RCOR1: variants seen among roughly 807,000 people sequenced by gnomAD.
The protein encoded by RCOR1 is REST corepressor.
In RCOR1, 12 loss-of-function variants were observed where a neutral mutation model predicts 64.0. The ratio of observed to expected loss-of-function variants is 0.19; its 90% CI spans 0.12 to 0.30. The LOEUF (loss-of-function observed/expected upper bound fraction) is 0.30, where lower values mean the gene tolerates loss of function less well. RCOR1 is among the 10% of genes least tolerant of loss of function. The pLI, the probability that RCOR1 is intolerant of heterozygous loss-of-function variation, is 1.00. For synonymous variants in RCOR1, 279 were observed against 227.2 expected (o/e 1.23, Z -2.05); for missense variants, 502 against 621.2 (o/e 0.81, Z 2.04).
chr14:102,708,343 G>A (rs1595240593), intron 5 of RCOR1, 122 bp from the exon 6 acceptor site: 11 of 622,070 alleles, frequency 1.8e-5, no homozygotes, highest in Admixed American at 6.8e-5. Context: ...CTCGTGATCC[G>A]CCTGCCTTAG....
At chr14:102,712,466 C>A (rs1895980205) in intron 7 of RCOR1, among the ~76,000 whole-genome samples, 1 of 151,980 alleles carries the variant, frequency 6.6e-6, no homozygotes. Context: ...TATTCTGTCA[C>A]ATGAATGTTT....
At chr14:102,675,699 C>T (rs960076447) in intron 2 of RCOR1, among the ~76,000 whole-genome samples, 1 of 152,182 alleles carries the variant, frequency 6.6e-6, no homozygotes, top group Non-Finnish European at 1.5e-5. Flanking sequence ...TGCGGGGCAC[C>T]ACTGGAGTTT....
At chr14:102,702,222 C>T (rs1032258650) in intron 4 of RCOR1, among the ~76,000 whole-genome samples, 2 of 152,002 alleles carry the variant, frequency 1.3e-5, no homozygotes, top group Non-Finnish European at 2.9e-5. Context: ...TGGACTTGGC[C>T]TTACATTTAA....
chr14:102,726,026 C>T (rs1387007754), intron 11 of RCOR1, among the ~76,000 whole-genome samples: 1 of 152,112 alleles, frequency 6.6e-6, no homozygotes, highest in African/African-American at 2.4e-5. Flanking sequence ...ACACGCTTGC[C>T]CTGCCCTTAA....
intron 3 of RCOR1, among the ~76,000 whole-genome samples, chr14:102,683,731 A>T (rs1452612635): frequency 2.0e-5 from 3 of 152,214 alleles, no homozygotes; most frequent in Admixed American, 6.5e-5. Flanking sequence ...GGCCACGCTT[A>T]GGGAGATGTC....
At chr14:102,652,323 A>G (rs1383861061) in intron 2 of RCOR1, among the ~76,000 whole-genome samples, 2 of 152,244 alleles carry the variant, frequency 1.3e-5, no homozygotes, top group Non-Finnish European at 1.5e-5. Context: ...GCTACACCAA[A>G]TAAATGCTTG....
intron 2 of RCOR1, among the ~76,000 whole-genome samples, chr14:102,644,139 G>T (rs1595209808): frequency 6.6e-6 from 1 of 152,212 alleles, no homozygotes; most frequent in African/African-American, 2.4e-5. Context: ...GCCTTGGCTG[G>T]CCAGACAGCT....
chr14:102,634,349 T>G (rs1894187872), intron 2 of RCOR1, among the ~76,000 whole-genome samples: 1 of 151,890 alleles, frequency 6.6e-6, no homozygotes, highest in African/African-American at 2.4e-5. Context: ...CACTCCATCC[T>G]GGGTGACAGA....
chr14:102,682,036 T>C, intron 3 of RCOR1, 58 bp downstream of exon 3: 1 of 1,193,160 alleles, frequency 8.4e-7, no homozygotes, highest in Non-Finnish European at 1.2e-6. Flanking sequence ...GTTTTAAAGG[T>C]ACCTTTGAAG....
chr14:102,596,565 T>C (rs1469789902), intron 2 of RCOR1, among the ~76,000 whole-genome samples: 2 of 152,082 alleles, frequency 1.3e-5, no homozygotes, highest in Admixed American at 1.3e-4. Context: ...TGTTTTTTTC[T>C]TTTTTCTTTT....
intron 3 of RCOR1, among the ~76,000 whole-genome samples, chr14:102,691,089 G>A (rs923290644): frequency 1.3e-5 from 2 of 152,164 alleles, no homozygotes; most frequent in Non-Finnish European, 2.9e-5. Context: ...TGTACCAAGC[G>A]CTAGCAGGCA....
At chr14:102,612,399 T>C (rs894801152) in intron 2 of RCOR1, among the ~76,000 whole-genome samples, 2 of 150,746 alleles carry the variant, frequency 1.3e-5, no homozygotes, top group African/African-American at 4.9e-5. Context: ...AGAGACGGGG[T>C]TTTGGGCCAG....
chr14:102,640,740 T>A (rs1282566883), intron 2 of RCOR1, among the ~76,000 whole-genome samples: 9 of 152,116 alleles, frequency 5.9e-5, no homozygotes, highest in Non-Finnish European at 1.3e-4. Flanking sequence ...TTTGGGAGAC[T>A]GAGGTAGGAG....
At chr14:102,707,935 G>A (rs527759134) in intron 5 of RCOR1, among the ~76,000 whole-genome samples, 21 of 148,866 alleles carry the variant, frequency 1.4e-4, no homozygotes, top group Non-Finnish European at 3.1e-4. Context: ...GACTACAGGT[G>A]CGTGCCACCA....
intron 3 of RCOR1, among the ~76,000 whole-genome samples, chr14:102,695,711 A>ATT (rs765805364): frequency 0.017 from 2,080 of 123,148 alleles, 50 homozygotes; most frequent in African/African-American, 0.058. Context: ...ATGCCCTGCT[A>ATT]TTTTTTTTTT....
At chr14:102,602,942 C>A (rs962660325) in intron 2 of RCOR1, among the ~76,000 whole-genome samples, 1 of 152,076 alleles carries the variant, frequency 6.6e-6, no homozygotes, top group African/African-American at 2.4e-5. Context: ...CTGGGCTCAA[C>A]CAGTCCTTCT....
chr14:102,719,745 A>T (rs1251373984), intron 8 of RCOR1, among the ~76,000 whole-genome samples: 4 of 152,324 alleles, frequency 2.6e-5, no homozygotes, highest in South Asian at 4.1e-4. Flanking sequence ...CTTCTTTTAT[A>T]ACGTTACTTA....
chr14:102,713,594 GTTTT>G (rs1896005100), intron 7 of RCOR1, among the ~76,000 whole-genome samples: 1 of 152,126 alleles, frequency 6.6e-6, no homozygotes, highest in Non-Finnish European at 1.5e-5. Flanking sequence ...CTGGCCCGTA[GTTTT>G]TTTAAGTATT....
chr14:102,708,259 C>G (rs974776626), intron 5 of RCOR1, among the ~76,000 whole-genome samples: 2 of 152,188 alleles, frequency 1.3e-5, no homozygotes, highest in African/African-American at 4.8e-5. Context: ...GTCACCACAT[C>G]CGGCCTAATT....
Sources: allele counts gnomAD v4.1 joint callset (sites outside exome capture counted in the v4.1 genomes callset), GRCh38; gene constraint gnomAD v4.1.1; transcripts MANE v1.5; gene names NCBI Gene and HGNC (gene_info 2026-07-23, HGNC 2026-07-21).